The following RIF1 variants were observed in gnomAD, a reference collection of about 807,000 sequenced individuals.
RIF1 encodes telomere-associated protein RIF1.
In RIF1, 45 loss-of-function variants were observed where a neutral mutation model predicts 247.1. The observed-to-expected ratio is 0.18, with a 90% CI of 0.14 to 0.23. RIF1 has a LOEUF of 0.23. RIF1 is among the 10% of genes least tolerant of loss of function. The probability of loss-of-function intolerance (pLI) is 1.00; values close to 1 mark genes in which losing one functional copy is unlikely to be tolerated. For synonymous variants in RIF1, 1,087 were observed against 978.8 expected (o/e 1.11, Z -2.06); for missense variants, 2,967 against 2,862.5 (o/e 1.04, Z -0.83).
rs113002023 is a variant in RIF1 at position 151,427,219 on chromosome 2, C to CT, written c.787-1555dup. Among the ~76,000 whole-genome samples the CT allele has an allele frequency of 1.5e-3, 224 of 145,510 alleles. 1 individual carries two copies. The highest frequency in any genetic ancestry group is 3.7e-3 in the African/African-American group (149 of 39,846). Reference sequence around the variant, plus strand: ...TTTTGTACTTTATTTTCCTTTTTTTCTTTTTTTTTTGAGACAGAGTTTCAC... The same window carrying CT: ...TTTTGTACTTTATTTTCCTTTTTTTCTTTTTTTTTTTGAGACAGAGTTTCAC... On this transcript the variant is annotated intron_variant, in intron 8 of 35. Transcript: ENST00000444746.
At chr2:151,460,992 G>T (rs773119723) in intron 26 of RIF1, 146 bp from the exon 27 acceptor site, 10 of 704,016 alleles carry the variant, frequency 1.4e-5, no homozygotes, top group Non-Finnish European at 2.1e-5. Flanking sequence ...GGGGAACATT[G>T]TACTAATTTG....
chr2:151,470,389 G>A (rs1278908513), intron 34 of RIF1, among the ~76,000 whole-genome samples: 1 of 152,092 alleles, frequency 6.6e-6, no homozygotes. Context: ...TGACACTACA[G>A]GTTGAGTATT....
intron 4 of RIF1, 95 bp from the exon 5 acceptor site, chr2:151,416,466 A>C: frequency 8.9e-7 from 1 of 1,129,410 alleles, no homozygotes; most frequent in Non-Finnish European, 1.3e-6. Context: ...ATTTAATTTT[A>C]TGATTGATGA....
chr2:151,447,005 G>A (rs1436623641), intron 20 of RIF1, among the ~76,000 whole-genome samples: 2 of 147,960 alleles, frequency 1.4e-5, no homozygotes, highest in African/African-American at 5.0e-5. Flanking sequence ...GTGCAGTGGC[G>A]CGATCTCGGC....
intron 8 of RIF1, among the ~76,000 whole-genome samples, chr2:151,427,854 C>T (rs757523078): frequency 6.6e-6 from 1 of 151,786 alleles, no homozygotes; most frequent in Non-Finnish European, 1.5e-5. Flanking sequence ...TTCAGGAGTT[C>T]GAGACCAGCC....
chr2:151,519,471 C>T, the RIF1 span, among the ~76,000 whole-genome samples: 3 of 151,940 alleles, frequency 2.0e-5, no homozygotes, highest in South Asian at 2.1e-4. Flanking sequence ...CAGGAGCTGA[C>T]GGGAGGAGGG....
At chr2:151,498,891 T>A (rs1575096854) in intron 10 of RIF1, among the ~76,000 whole-genome samples, 1 of 150,216 alleles carries the variant, frequency 6.7e-6, no homozygotes, top group South Asian at 2.1e-4. Context: ...GATAAGGTGC[T>A]AAAAAAAAGA....
intron 20 of RIF1, among the ~76,000 whole-genome samples, chr2:151,447,256 C>T (rs1428789378): frequency 6.6e-6 from 1 of 152,164 alleles, no homozygotes; most frequent in Non-Finnish European, 1.5e-5. Flanking sequence ...TTCTTTCCCT[C>T]CTCATGGAAA....
intron 30 of RIF1, 98 bp downstream of exon 30, chr2:151,466,218 T>C (rs896364121): frequency 1.5e-5 from 10 of 678,972 alleles, no homozygotes; most frequent in Non-Finnish European, 2.6e-5. Context: ...ATTACAATTA[T>C]ATGGCCACTC....
At chr2:151,446,821 T>C (rs1182509804) in intron 20 of RIF1, among the ~76,000 whole-genome samples, 1 of 152,238 alleles carries the variant, frequency 6.6e-6, no homozygotes, top group Non-Finnish European at 1.5e-5. Context: ...TGTGTCATTC[T>C]AGATTAACAC....
At chr2:151,534,194 C>A in the RIF1 span, 3 of 1,593,510 alleles carry the variant, frequency 1.9e-6, no homozygotes, top group Non-Finnish European at 1.7e-6. Context: ...CCTGGGCCAC[C>A]GGCCAGCCCC....
intron 23 of RIF1, 25 bp downstream of exon 23, chr2:151,456,645 AC>A: frequency 3.0e-6 from 4 of 1,343,208 alleles, no homozygotes; most frequent in Non-Finnish European, 4.2e-6. Flanking sequence ...TTCTCCATAA[AC>A]CATACTTTCA....
In RIF1 at chr2:151,464,451, A is replaced by T. The variant is rs753764617; in HGVS notation, c.4931A>T (p.Asp1644Val). ...ACTTCAGATTTGTTGCAAGTTCCTG[A>T]TGATTTACCAAATGTGTGTGAGGAA... ...TVTSDLLQVPDDLPNVCEEKN... is the reference protein window; with the variant it reads ...TVTSDLLQVPVDLPNVCEEKN... Residue 1644 changes from aspartate to valine, a missense_variant, in exon 30 of 36, where the codon GAT becomes GTT. Transcript: ENST00000444746. The T allele has an allele frequency of 3.7e-6, 6 of 1,613,722 alleles. No individual in the cohort carries two copies. Among genetic ancestry groups the T allele is most frequent in the Non-Finnish European group, 5.1e-6 (6 of 1,179,876 alleles).
rs1004626623 is a variant in RIF1, at chr2:151,478,025, A to G, written c.*2954A>G. On this transcript the variant is annotated 3_prime_UTR_variant, in exon 36 of 36. Coordinates refer to ENST00000444746, the MANE Select transcript of RIF1 (RefSeq NM_018151.5). ...CTCCTGGCCCATCATTTCCATATCTATGAAATCTATTTTGGATTTTAGAGT... is the reference window on the plus strand; with the variant it reads ...CTCCTGGCCCATCATTTCCATATCTGTGAAATCTATTTTGGATTTTAGAGT... 3.9e-5 allele frequency: 6 copies of G among 152,180 alleles called. No homozygotes were observed. The highest frequency in any genetic ancestry group is 4.1e-4 in the South Asian group (2 of 4,826). The allele number at this position is 152,180 out of a possible 1,614,324, so 9.4% of individuals were successfully genotyped here. A position where few individuals can be genotyped will look rare whatever the true frequency, so the allele number is the denominator to read the frequency against.
the RIF1 span, chr2:151,527,523 C>G: frequency 6.2e-7 from 1 of 1,613,394 alleles, no homozygotes; most frequent in East Asian, 2.2e-5. Flanking sequence ...GGAGGAAGTC[C>G]GGTCGGTCAG....
rs1179686537 is a variant in RIF1, at chr2:151,457,338, G to A, written c.2653-423G>A. 3.3e-5 allele frequency among the ~76,000 whole-genome samples: 5 copies of A among 152,090 alleles called. No individual in the cohort carries two copies. The East Asian group carries it at 5.8e-4, about 18-fold the overall frequency. On this transcript the variant is annotated intron_variant, in intron 23 of 35. Coordinates refer to ENST00000444746, the MANE Select transcript of RIF1 (RefSeq NM_018151.5). ...GGGTTTTGCCATGTTGCTCAGGCTC[G>A]TCTCAAATTCCTGAGCTCAAGCAGT...
intron 7 of RIF1, among the ~76,000 whole-genome samples, chr2:151,421,223 A>G (rs1688114303): frequency 6.6e-6 from 1 of 152,186 alleles, no homozygotes; most frequent in African/African-American, 2.4e-5. Context: ...TTAAGTACAT[A>G]GTGTAGTAAG....
downstream of RIF1, among the ~76,000 whole-genome samples, chr2:151,508,733 A>G (rs1279839755): frequency 6.6e-6 from 1 of 152,204 alleles, no homozygotes; most frequent in East Asian, 1.9e-4. Context: ...CTGGAGCACT[A>G]CTAAGGCCAG....
At chr2:151,508,289 C>CACCATACT (rs1303885245), downstream of RIF1, among the ~76,000 whole-genome samples, 1 of 152,160 alleles carries the variant, frequency 6.6e-6, no homozygotes, top group Non-Finnish European at 1.5e-5. Flanking sequence ...AAAGAAAGAG[C>CACCATACT]ACCATACTTT....
Sources: allele counts gnomAD v4.1 joint callset (sites outside exome capture counted in the v4.1 genomes callset), GRCh38; gene constraint gnomAD v4.1.1; transcripts MANE v1.5; gene names NCBI Gene and HGNC (gene_info 2026-07-23, HGNC 2026-07-21).